The following DAB1 variants were observed in gnomAD, a reference collection of about 807,000 sequenced individuals.
DAB1 encodes DAB adaptor protein 1.
Under a neutral mutation model 64.6 loss-of-function variants are expected in DAB1, and 15 were observed. The observed-to-expected ratio is 0.23, with a 90% CI of 0.16 to 0.36. The LOEUF is 0.36. Ranked by LOEUF, DAB1 falls within the 10% of genes least tolerant of loss-of-function variation. The pLI is 1.00. For missense variants in DAB1, 596 were observed against 706.7 expected, an observed-to-expected ratio of 0.84 and a Z score of 1.78; for synonymous variants, 235 against 251.9, an observed-to-expected ratio of 0.93 and a Z score of 0.64.
chr1:57,776,235 T>A (rs187056114), intron 6 of DAB1, among the ~76,000 whole-genome samples: 1 of 151,822 alleles, frequency 6.6e-6, no homozygotes, highest in East Asian at 1.9e-4. Context: ...TGGAGCACTT[T>A]GGATTTTCAG....
At chr1:58,413,350 T>C (rs1213653168) in intron 3 of DAB1, among the ~76,000 whole-genome samples, 2 of 152,162 alleles carry the variant, frequency 1.3e-5, no homozygotes, top group Non-Finnish European at 2.9e-5. Flanking sequence ...TAAAAACAAC[T>C]CTATGAGGTA....
intron 3 of DAB1, among the ~76,000 whole-genome samples, chr1:58,485,966 G>A (rs1645569966): frequency 6.6e-6 from 1 of 152,200 alleles, no homozygotes; most frequent in Admixed American, 6.5e-5. Flanking sequence ...ATGGTTCTGA[G>A]AATCCTGAGG....
intron 2 of DAB1, among the ~76,000 whole-genome samples, chr1:57,161,869 C>T (rs1660791120): frequency 6.6e-6 from 1 of 151,364 alleles, no homozygotes. Flanking sequence ...AAAAAAAGTT[C>T]ATACTATAAA....
intron 4 of DAB1, among the ~76,000 whole-genome samples, chr1:58,283,147 C>G (rs1408265574): frequency 6.6e-6 from 1 of 152,000 alleles, no homozygotes; most frequent in Non-Finnish European, 1.5e-5. Context: ...CCCCCAAGCC[C>G]CAGCGCTCTC....
chr1:58,077,134 A>T (rs1173662126), intron 5 of DAB1, among the ~76,000 whole-genome samples: 1 of 148,418 alleles, frequency 6.7e-6, no homozygotes, highest in Non-Finnish European at 1.5e-5. Context: ...TAATTATAAT[A>T]AAAAAAAACA....
At chr1:57,801,860 G>T (rs1422697503) in intron 6 of DAB1, among the ~76,000 whole-genome samples, 1 of 151,536 alleles carries the variant, frequency 6.6e-6, no homozygotes, top group East Asian at 1.9e-4. Flanking sequence ...GTTTCACCAT[G>T]TTGCCCAGAC....
At chr1:58,334,510 A>G (rs1053462017) in intron 4 of DAB1, among the ~76,000 whole-genome samples, 2 of 151,536 alleles carry the variant, frequency 1.3e-5, no homozygotes, top group Non-Finnish European at 2.9e-5. Context: ...ACATAGAGCT[A>G]CTGACCATCA....
intron 1 of DAB1, among the ~76,000 whole-genome samples, chr1:57,333,823 T>C (rs1406414384): frequency 6.6e-6 from 1 of 152,216 alleles, no homozygotes; most frequent in Non-Finnish European, 1.5e-5. Flanking sequence ...TCTGTGTCTA[T>C]GTGGACAAAT....
Position 57,071,573 on chromosome 1 carries a change from T to C in DAB1, c.507A>G (p.Glu169=), listed in dbSNP as rs1163979961. 1.2e-6 allele frequency: 2 copies of C among 1,613,990 alleles called. No homozygotes were observed. Residue 169 remains glutamate (E), a synonymous_variant, in exon 6 of 15, where the codon GAA becomes GAG. Transcript: ENST00000371236. ...QLIYELKQRE[E]LEKKAQKDKQ... ...TATCCTTTTGTGCCTTTTTTTCTAA[T>C]TCTTCTCTTTGCTTCAATTCATAAA...
intron 4 of DAB1, among the ~76,000 whole-genome samples, chr1:58,167,813 C>T (rs980977816): frequency 1.3e-5 from 2 of 152,156 alleles, no homozygotes; most frequent in African/African-American, 4.8e-5. Flanking sequence ...GGCTTCACTC[C>T]TGAAGTCAAC....
intron 5 of DAB1, among the ~76,000 whole-genome samples, chr1:58,050,046 A>C (rs1647537989): frequency 6.6e-6 from 1 of 152,236 alleles, no homozygotes; most frequent in Non-Finnish European, 1.5e-5. Context: ...AGTAGAGATC[A>C]TCTAGATAGA....
chr1:58,006,757 C>T (rs751117402), intron 5 of DAB1, among the ~76,000 whole-genome samples: 1 of 152,174 alleles, frequency 6.6e-6, no homozygotes, highest in Non-Finnish European at 1.5e-5. Flanking sequence ...ATGATTCCCT[C>T]TCTCGCAAGC....
At chr1:57,343,711 C>T (rs951398018) in intron 1 of DAB1, among the ~76,000 whole-genome samples, 3 of 152,224 alleles carry the variant, frequency 2.0e-5, no homozygotes, top group Non-Finnish European at 2.9e-5. Flanking sequence ...GTGTGGGGTC[C>T]GCGGAGCCCA....
At chr1:57,997,165 T>C (rs1422706310) in intron 5 of DAB1, among the ~76,000 whole-genome samples, 2 of 152,124 alleles carry the variant, frequency 1.3e-5, no homozygotes, top group East Asian at 3.9e-4. Context: ...ACCAGCATGT[T>C]CACTAAGAGG....
intron 4 of DAB1, among the ~76,000 whole-genome samples, chr1:58,317,034 A>G (rs1662573469): frequency 6.6e-6 from 1 of 152,226 alleles, no homozygotes; most frequent in South Asian, 2.1e-4. Context: ...ACTATTGAAA[A>G]TTCTTCTGTG....
chr1:57,878,848 C>T (rs1245753995), intron 1 of DAB1: 1 of 152,074 alleles, frequency 6.6e-6, no homozygotes, highest in Non-Finnish European at 1.5e-5. Context: ...TTCCCAGCCG[C>T]TAGTAACCAC....
chr1:58,536,883 T>G, intron 1 of DAB1: 1 of 574,346 alleles, frequency 1.7e-6, no homozygotes, highest in Non-Finnish European at 3.1e-6. Context: ...CTTTTCCAAT[T>G]AATAAAATTC....
chr1:58,029,397 G>T (rs564285910), intron 5 of DAB1, among the ~76,000 whole-genome samples: 7 of 152,154 alleles, frequency 4.6e-5, no homozygotes, highest in Non-Finnish European at 4.4e-5. Context: ...ACAAAAATCT[G>T]CCACCCAGGG....
chr1:57,734,522 G>A (rs915147109), intron 6 of DAB1, among the ~76,000 whole-genome samples: 2 of 152,238 alleles, frequency 1.3e-5, no homozygotes, highest in African/African-American at 4.8e-5. Flanking sequence ...TGGATCCACA[G>A]AGGGTCAAAT....
Sources: allele counts gnomAD v4.1 joint callset (sites outside exome capture counted in the v4.1 genomes callset), GRCh38; gene constraint gnomAD v4.1.1; transcripts MANE v1.5; gene names NCBI Gene and HGNC (gene_info 2026-07-23, HGNC 2026-07-21).